Variants in ASH1L observed in about 807,000 individuals in gnomAD.
The protein encoded by ASH1L is histone-lysine N-methyltransferase ASH1L.
ASH1L carries 23 observed loss-of-function variants against 269.0 expected under a neutral mutation model. The observed-to-expected ratio is 0.09, with a 90% confidence interval of 0.06 to 0.12. The LOEUF is 0.12. Ranked by LOEUF, ASH1L falls within the 10% of genes least tolerant of loss-of-function variation. ASH1L has a pLI of 1.00. For synonymous variants in ASH1L, 1,187 were observed against 1,253.5 expected (o/e 0.95, Z 1.12); for missense variants, 2,912 against 3,567.8 (o/e 0.82, Z 4.68).
At chr1:155,475,717 T>C (rs574417647) in intron 3 of ASH1L, among the ~76,000 whole-genome samples, 48 of 152,310 alleles carry the variant, frequency 3.2e-4, no homozygotes, top group Non-Finnish European at 5.3e-4. Context: ...GAATTCAACA[T>C]ATGAACCAGT....
chr1:155,387,398 C>A (rs950548142), intron 7 of ASH1L, among the ~76,000 whole-genome samples: 16 of 152,138 alleles, frequency 1.1e-4, no homozygotes, highest in African/African-American at 2.9e-4. Context: ...GAATCCTTAC[C>A]CAATTGCTTG....
At chr1:155,359,222 G>C (rs1439107507) in intron 13 of ASH1L, among the ~76,000 whole-genome samples, 1 of 152,174 alleles carries the variant, frequency 6.6e-6, no homozygotes, top group Non-Finnish European at 1.5e-5. Context: ...TCAGCCTCTT[G>C]AGTATGTGGG....
At chr1:155,414,992 C>T (rs762807427) in intron 6 of ASH1L, among the ~76,000 whole-genome samples, 1 of 152,092 alleles carries the variant, frequency 6.6e-6, no homozygotes, top group Non-Finnish European at 1.5e-5. Context: ...TGGAACACAG[C>T]GTCCAATCAG....
chr1:155,378,487 C>A lies in ASH1L; in HGVS notation c.6223+16G>T. The A allele has an allele frequency of 1.9e-6, 3 of 1,613,380 alleles. No individual in the cohort carries two copies. Among genetic ancestry groups the A allele is most frequent in the Non-Finnish European group, 1.7e-6 (2 of 1,179,556 alleles). On this transcript the variant is annotated intron_variant, in intron 9 of 27. Coordinates refer to ENST00000392403, the MANE Select transcript of ASH1L (RefSeq NM_018489.3). ...TAACGTATAGAGGCAGAAAAAATAG[C>A]TCCTAAGTTACTCACTTGAACGAAT...
chr1:155,516,051 C>T (rs1668483814), intron 2 of ASH1L, among the ~76,000 whole-genome samples: 2 of 152,018 alleles, frequency 1.3e-5, no homozygotes, highest in South Asian at 2.1e-4. Context: ...TTCTGTTTTC[C>T]TCTTCTTTTG....
intron 21 of ASH1L, among the ~76,000 whole-genome samples, chr1:155,344,921 T>C (rs1653118598): frequency 6.6e-6 from 1 of 152,154 alleles, no homozygotes; most frequent in Admixed American, 6.5e-5. Flanking sequence ...TTGTAAGCTA[T>C]TCCTTTCATG....
chr1:155,549,146 G>A (rs887861228), intron 1 of ASH1L, among the ~76,000 whole-genome samples: 8 of 152,048 alleles, frequency 5.3e-5, no homozygotes, highest in African/African-American at 1.2e-4. Flanking sequence ...AGGTCGAGAC[G>A]AACCTGGGCA....
intron 1 of ASH1L, among the ~76,000 whole-genome samples, chr1:155,541,522 G>A (rs1275034073): frequency 1.3e-5 from 2 of 152,004 alleles, no homozygotes; most frequent in Non-Finnish European, 2.9e-5. Flanking sequence ...GCTTCATGAA[G>A]TTACCAACAA....
At chr1:155,503,464 G>A (rs1667634440) in intron 2 of ASH1L, among the ~76,000 whole-genome samples, 1 of 152,156 alleles carries the variant, frequency 6.6e-6, no homozygotes, top group African/African-American at 2.4e-5. Context: ...GGACTTGGCT[G>A]TTAAAAAATA....
chr1:155,478,744 T>C lies in ASH1L; in HGVS notation c.4126A>G (p.Thr1376Ala). 2 of 1,614,072 alleles carry C rather than the reference T, an allele frequency of 1.2e-6. No individual in the cohort carries two copies. The highest frequency in any genetic ancestry group is 1.7e-6 in the Non-Finnish European group (2 of 1,180,016). ...MHSLSFPLSS[T>A]GFYPSYGMPY... is the part of the protein sequence containing the mutation. ...ATACCATAAGATGGATAGAATCCAG[T>C]ACTAGAAAGAGGAAAACTAAGGCTG... The change falls in exon 3 of 28, where the codon ACT (threonine) becomes GCT (alanine). Residue 1376 changes from threonine (T) to alanine (A), a missense_variant. Thr to Ala is a moderately conservative substitution (Grantham distance 58). This residue lies in a region of ASH1L where 789 missense variants were observed against 897.6 expected (regional missense o/e 0.88). Coordinates refer to ENST00000392403, the MANE Select transcript of ASH1L (RefSeq NM_018489.3). The surrounding 1 kb of genome is among the most constrained non-coding windows in gnomAD (Gnocchi z 4.6).
At position 155,551,947 on chromosome 1, in the gene ASH1L, G is replaced by T. The variant is rs532910587; in HGVS notation, c.-100+10206C>A. ...GCCGAGATCATGCCATTGCACTCCA[G>T]CCTGGGCGAAAGGTTGAGACTCCGT... On this transcript the variant is annotated intron_variant, in intron 1 of 27. Coordinates refer to ENST00000392403, the MANE Select transcript of ASH1L (RefSeq NM_018489.3). 7.9e-5 allele frequency among the ~76,000 whole-genome samples: 12 copies of T among 152,190 alleles called. 1 individual carries two copies. The South Asian group carries it at 2.5e-3, about 32-fold the overall frequency.
chr1:155,551,796 C>T (rs1233744384), intron 1 of ASH1L, among the ~76,000 whole-genome samples: 5 of 146,950 alleles, frequency 3.4e-5, no homozygotes, highest in Admixed American at 1.4e-4. Flanking sequence ...GGTGAAACCC[C>T]GTCTCTACTA....
intron 15 of ASH1L, among the ~76,000 whole-genome samples, chr1:155,355,990 T>G (rs992980990): frequency 3.3e-5 from 5 of 150,492 alleles, no homozygotes; most frequent in Admixed American, 2.7e-4. Context: ...CAGGCTAGAG[T>G]GCAATGGCGT....
chr1:155,434,157 G>A (rs1303813547), intron 5 of ASH1L: 1 of 1,593,676 alleles, frequency 6.3e-7, no homozygotes, highest in Non-Finnish European at 8.5e-7. Flanking sequence ...CCAGGCTATG[G>A]GAGCCCTCAC....
chr1:155,471,544 T>TAGTGATGTG (rs1665100132), intron 3 of ASH1L, among the ~76,000 whole-genome samples: 1 of 152,200 alleles, frequency 6.6e-6, no homozygotes, highest in African/African-American at 2.4e-5. Flanking sequence ...TTGGTGAATA[T>TAGTGATGTG]AGTGATGTGC....
At chr1:155,459,471 T>C (rs1250208081) in intron 4 of ASH1L, among the ~76,000 whole-genome samples, 1 of 152,196 alleles carries the variant, frequency 6.6e-6, no homozygotes, top group Non-Finnish European at 1.5e-5. Context: ...GCTGGGATTA[T>C]AGGCGTAAGC....
intron 3 of ASH1L, among the ~76,000 whole-genome samples, chr1:155,460,842 G>A (rs992914883): frequency 2.0e-5 from 3 of 152,132 alleles, no homozygotes; most frequent in African/African-American, 7.2e-5. Flanking sequence ...AAACTTTCAT[G>A]CTTTTAGCAA....
intron 3 of ASH1L, among the ~76,000 whole-genome samples, chr1:155,465,155 G>C (rs181043579): frequency 2.0e-5 from 3 of 152,106 alleles, no homozygotes; most frequent in Admixed American, 1.3e-4. Context: ...AATTCTCACT[G>C]ATAATAGTGT....
At chr1:155,459,941 T>C in intron 3 of ASH1L, 43 bp from the exon 4 acceptor site, 1 of 1,448,962 alleles carries the variant, frequency 6.9e-7, no homozygotes. Flanking sequence ...AAAATTCAAC[T>C]TTAAAAATAA....
Sources: allele counts gnomAD v4.1 joint callset (sites outside exome capture counted in the v4.1 genomes callset), GRCh38; gene constraint gnomAD v4.1.1; regional missense constraint gnomAD v4.1.1; non-coding constraint Gnocchi (gnomAD v3.1); transcripts MANE v1.5; gene names NCBI Gene and HGNC (gene_info 2026-07-23, HGNC 2026-07-21).